Variants in ZNF710 observed in about 807,000 individuals in gnomAD.
The protein encoded by ZNF710 is zinc finger protein 710.
In ZNF710, 13 loss-of-function variants were observed where a neutral mutation model predicts 50.6. The observed-to-expected ratio is 0.26, with a 90% CI of 0.17 to 0.41. ZNF710 has a LOEUF of 0.41. Ranked by LOEUF, ZNF710 falls within the 10% of genes least tolerant of loss-of-function variation. The probability of loss-of-function intolerance (pLI) is 1.00; values close to 1 mark genes in which losing one functional copy is unlikely to be tolerated. For missense variants in ZNF710, 721 were observed against 936.6 expected, an observed-to-expected ratio of 0.77 and a Z score of 3.01; for synonymous variants, 383 against 397.0, an observed-to-expected ratio of 0.96 and a Z score of 0.42.
Position 90,068,286 on chromosome 15 carries a change from C to G in ZNF710, c.1149C>G (p.Phe383Leu). The G allele has an allele frequency of 6.2e-7, 1 of 1,613,156 alleles. No homozygotes were observed. The highest frequency in any genetic ancestry group is 8.5e-7 in the Non-Finnish European group (1 of 1,180,012). ...AGGTCAAGCCCTACAGCTGCCACTT[C>G]TGCGGCCGCGGCTTCGCCTACCCCA... Reference protein sequence around the residue: ...HSEVKPYSCHFCGRGFAYPSE... With the variant: ...HSEVKPYSCHLCGRGFAYPSE... Residue 383 changes from phenylalanine to leucine, a missense_variant, in exon 2 of 5, where the codon TTC becomes TTG. Phe to Leu is a conservative substitution (Grantham distance 22). Around this residue, in one of 3 missense-constraint regions of ZNF710, gnomAD observed 326 missense variants for 522.0 expected, o/e 0.62. Coordinates refer to ENST00000268154, the MANE Select transcript of ZNF710 (RefSeq NM_198526.4). The surrounding 1 kb of genome is among the most constrained non-coding windows in gnomAD (Gnocchi z 5.0).
intron 1 of ZNF710, among the ~76,000 whole-genome samples, chr15:90,003,672 A>G (rs954065852): frequency 6.6e-6 from 1 of 152,076 alleles, no homozygotes; most frequent in African/African-American, 2.4e-5. Flanking sequence ...ACTTCTGAAA[A>G]CCTAGAGTGG....
chr15:90,073,614 C>T (rs976227725), intron 3 of ZNF710, among the ~76,000 whole-genome samples: 1 of 152,060 alleles, frequency 6.6e-6, no homozygotes, highest in South Asian at 2.1e-4. Flanking sequence ...GAGCAGTGAC[C>T]CCCAATGGAT....
intron 1 of ZNF710, among the ~76,000 whole-genome samples, chr15:90,005,488 C>T (rs1288975393): frequency 6.6e-6 from 1 of 152,006 alleles, no homozygotes; most frequent in Non-Finnish European, 1.5e-5. Context: ...CTCACTCTTT[C>T]ACCAGGCTGG....
chr15:90,044,721 G>A (rs1203545358), intron 1 of ZNF710, among the ~76,000 whole-genome samples: 2 of 152,104 alleles, frequency 1.3e-5, no homozygotes, highest in African/African-American at 2.4e-5. Context: ...TCTGAGAGCC[G>A]ACATATGCTT....
Position 90,035,399 on chromosome 15 carries a change from G to A in ZNF710, c.-28-31711G>A, listed in dbSNP as rs935049515. ...AGCTCTTGGTGGACAGGTTTGCACA[G>A]TTGCCCCTGCTGCCTGTGCAGTGAG... On this transcript the variant is annotated intron_variant, in intron 1 of 4. Transcript: ENST00000268154. 1.2e-4 allele frequency among the ~76,000 whole-genome samples: 19 copies of A among 152,354 alleles called. No individual in the cohort carries two copies. The East Asian group carries it at 2.5e-3, about 20-fold the overall frequency.
chr15:90,024,232 C>A (rs1898706045), intron 1 of ZNF710, among the ~76,000 whole-genome samples: 1 of 152,214 alleles, frequency 6.6e-6, no homozygotes, highest in South Asian at 2.1e-4. Flanking sequence ...CACTGCAGTT[C>A]TTTTGGCCCA....
intron 1 of ZNF710, among the ~76,000 whole-genome samples, chr15:90,015,291 A>G (rs888710067): frequency 3.9e-5 from 6 of 152,224 alleles, no homozygotes; most frequent in African/African-American, 1.4e-4. Context: ...TAAGAGAAAC[A>G]CAAGTTTTCT....
At chr15:90,008,453 T>TACATATATATACACATATATATATATAC (rs1898208603) in intron 1 of ZNF710, among the ~76,000 whole-genome samples, 4 of 127,948 alleles carry the variant, frequency 3.1e-5, no homozygotes, top group African/African-American at 1.1e-4. Context: ...TATATATATA[T>TACATATATATACACATATATATATATAC]GTATATATAT....
Position 90,068,347 on chromosome 15 carries a change from G to A in ZNF710, c.1210G>A (p.Gly404Ser). Residue 404 changes from glycine to serine, a missense_variant, in exon 2 of 5, where the codon GGC becomes AGC. Gly to Ser is a moderately conservative substitution (Grantham distance 56, BLOSUM62 0). This residue lies in a region of ZNF710 where 326 missense variants were observed against 522.0 expected (regional missense o/e 0.62). Coordinates refer to ENST00000268154, the MANE Select transcript of ZNF710 (RefSeq NM_198526.4). The surrounding 1 kb of genome is among the most constrained non-coding windows in gnomAD (Gnocchi z 5.0). ...GGCCCACGAAGTGAAGCATGAGAGT[G>A]GCCGCTGCCATGTCTGCGTCGAGTG... is the stretch of plus-strand genomic sequence containing the variant. ...LKAHEVKHESGRCHVCVECGL... is the reference protein window; with the variant it reads ...LKAHEVKHESSRCHVCVECGL... The A allele has an allele frequency of 6.2e-7, 1 of 1,612,762 alleles. No homozygotes were observed. The highest frequency in any genetic ancestry group is 1.1e-5 in the South Asian group (1 of 91,074).
chr15:90,058,350 C>T (rs554415351), intron 1 of ZNF710, among the ~76,000 whole-genome samples: 44 of 152,182 alleles, frequency 2.9e-4, no homozygotes, highest in Non-Finnish European at 5.0e-4. Flanking sequence ...TTGGAGAGGC[C>T]CTTCCCTATG....
intron 1 of ZNF710, 53 bp downstream of exon 1, chr15:90,001,667 C>T (rs1321816644): frequency 1.4e-5 from 2 of 144,042 alleles, no homozygotes; most frequent in African/African-American, 5.0e-5. Context: ...CCCCGCAGCC[C>T]CGCGCTGCCG....
intron 4 of ZNF710, 167 bp downstream of exon 4, chr15:90,074,457 C>T (rs762874619): frequency 1.6e-5 from 24 of 1,532,890 alleles, no homozygotes; most frequent in African/African-American, 1.1e-4. Flanking sequence ...ATGACAATAA[C>T]GATGGGATAT....
intron 2 of ZNF710, among the ~76,000 whole-genome samples, chr15:90,072,686 T>C (rs897549851): frequency 6.6e-6 from 1 of 152,136 alleles, no homozygotes; most frequent in Non-Finnish European, 1.5e-5. Flanking sequence ...TGCCGCCTAG[T>C]GTGGTACTGG....
At chr15:90,025,254 T>G (rs990251301) in intron 1 of ZNF710, 4 of 152,124 alleles carry the variant, frequency 2.6e-5, no homozygotes, top group Non-Finnish European at 2.9e-5. Context: ...CTAAATCCAA[T>G]TATTCCTCAA....
chr15:90,012,572 CT>C (rs981365559), intron 1 of ZNF710, among the ~76,000 whole-genome samples: 13 of 152,094 alleles, frequency 8.5e-5, no homozygotes, highest in South Asian at 6.2e-4. Context: ...GCCTGGCCAA[CT>C]TTTTCATTTT....
chr15:90,079,373 G>A (rs1195465184), intron 4 of ZNF710, among the ~76,000 whole-genome samples: 1 of 152,150 alleles, frequency 6.6e-6, no homozygotes, highest in African/African-American at 2.4e-5. Flanking sequence ...ATGGAAGAAT[G>A]ACCCAAAGAA....
At chr15:90,056,460 C>CT (rs960513745) in intron 1 of ZNF710, among the ~76,000 whole-genome samples, 1 of 152,096 alleles carries the variant, frequency 6.6e-6, no homozygotes, top group African/African-American at 2.4e-5. Context: ...GGGTAGGGGC[C>CT]TTGGGGTCTT....
intron 1 of ZNF710, among the ~76,000 whole-genome samples, chr15:90,012,269 CTG>C (rs1258201799): frequency 6.9e-6 from 1 of 144,076 alleles, no homozygotes; most frequent in Non-Finnish European, 1.5e-5. Context: ...AAATTCTTCT[CTG>C]TGGTTGTTTT....
At chr15:90,064,338 T>C (rs1900103995) in intron 1 of ZNF710, among the ~76,000 whole-genome samples, 1 of 152,246 alleles carries the variant, frequency 6.6e-6, no homozygotes, top group African/African-American at 2.4e-5. Flanking sequence ...CGGCTATTTA[T>C]TGTACAAATG....
Sources: gnomAD v4.1 joint callset for allele counts (sites outside exome capture counted in the v4.1 genomes callset) on GRCh38, gnomAD v4.1.1 for gene constraint, gnomAD v4.1.1 regional missense constraint, Gnocchi (gnomAD v3.1) non-coding constraint, MANE v1.5 for transcripts, NCBI Gene and HGNC (gene_info 2026-07-23, HGNC 2026-07-21) for gene names.